The following SH3RF3 variants were observed in gnomAD, a reference collection of about 807,000 sequenced individuals.
SH3RF3 encodes SH3 domain containing ring finger 3, also known as E3 ubiquitin-protein ligase SH3RF3.
A neutral mutation model predicts 66.3 loss-of-function variants in SH3RF3; 29 were observed. That is an observed-to-expected ratio of 0.44 (90% CI 0.33 to 0.60). The LOEUF is 0.60. SH3RF3 is among the 20% of genes least tolerant of loss of function. The pLI, the probability that SH3RF3 is intolerant of heterozygous loss-of-function variation, is 0.04. For synonymous variants in SH3RF3, 583 were observed against 532.0 expected, an observed-to-expected ratio of 1.10 and a Z score of -1.32; for missense variants, 1,194 against 1,190.9, an observed-to-expected ratio of 1.00 and a Z score of -0.04.
intron 1 of SH3RF3, among the ~76,000 whole-genome samples, chr2:109,246,493 A>G (rs1381697770): frequency 1.3e-5 from 2 of 152,200 alleles, no homozygotes; most frequent in African/African-American, 4.8e-5. Flanking sequence ...AGGATTTAAC[A>G]TATGACTTTT....
At chr2:109,475,882 A>C (rs904817773) in intron 8 of SH3RF3, among the ~76,000 whole-genome samples, 2 of 152,168 alleles carry the variant, frequency 1.3e-5, no homozygotes, top group Non-Finnish European at 2.9e-5. Flanking sequence ...TAAGCAACTC[A>C]TTTCTCTTTC....
chr2:109,184,387 C>T (rs547315059), intron 1 of SH3RF3, among the ~76,000 whole-genome samples: 1 of 152,292 alleles, frequency 6.6e-6, no homozygotes, highest in East Asian at 1.9e-4. Flanking sequence ...TGCAGAAAGG[C>T]AGCTTTTCAG....
At chr2:109,330,535 TACCTC>T (rs1682260064) in intron 1 of SH3RF3, among the ~76,000 whole-genome samples, 1 of 152,224 alleles carries the variant, frequency 6.6e-6, no homozygotes, top group Non-Finnish European at 1.5e-5. Context: ...AGATGTCTAG[TACCTC>T]ACACAGGCCT....
Position 109,398,755 on chromosome 2 carries a change from G to T in SH3RF3, c.1111G>T (p.Asp371Tyr). ...GGTCAGTGCCTTTCAGCGGCGTGTG[G>T]ATGGCAAGAAGAACACCAAGAAACG... ...GAVSAFQRRV[D>Y]GKKNTKKRHS... The change falls in exon 4 of 10, where the codon GAT (aspartate) becomes TAT (tyrosine). Residue 371 changes from aspartate to tyrosine, a missense_variant. Physicochemically the swap from Asp to Tyr is radical, Grantham distance 160. Coordinates refer to ENST00000309415, the MANE Select transcript of SH3RF3 (RefSeq NM_001099289.3). The T allele has an allele frequency of 6.2e-7, 1 of 1,613,650 alleles. No individual in the cohort carries two copies. The highest frequency in any genetic ancestry group is 1.1e-5 in the South Asian group (1 of 90,966).
intron 3 of SH3RF3, among the ~76,000 whole-genome samples, chr2:109,383,812 G>A (rs564478364): frequency 1.3e-5 from 2 of 152,290 alleles, no homozygotes; most frequent in African/African-American, 2.4e-5. Context: ...GACATCAGCC[G>A]CATTTTCCAG....
intron 1 of SH3RF3, among the ~76,000 whole-genome samples, chr2:109,339,667 G>T (rs547015839): frequency 2.0e-5 from 3 of 152,156 alleles, no homozygotes; most frequent in Non-Finnish European, 4.4e-5. Context: ...CAAGGTGCCT[G>T]GTGGCTGCTG....
chr2:109,415,949 G>C (rs962578858), intron 4 of SH3RF3, among the ~76,000 whole-genome samples: 1 of 152,092 alleles, frequency 6.6e-6, no homozygotes, highest in Non-Finnish European at 1.5e-5. Context: ...GGATTCATGG[G>C]AGCAGGGCTG....
At chr2:109,482,108 G>T (rs1177862078) in intron 8 of SH3RF3, among the ~76,000 whole-genome samples, 2 of 152,140 alleles carry the variant, frequency 1.3e-5, no homozygotes, top group African/African-American at 4.8e-5. Context: ...CAAGTCCCGG[G>T]TTCGAATGCG....
At chr2:109,245,887 AAC>A (rs1679903373) in intron 1 of SH3RF3, among the ~76,000 whole-genome samples, 1 of 152,220 alleles carries the variant, frequency 6.6e-6, no homozygotes, top group African/African-American at 2.4e-5. Context: ...TAGAGTACTT[AAC>A]ACAATCCCGG....
chr2:109,240,242 A>G (rs943741364), intron 1 of SH3RF3, among the ~76,000 whole-genome samples: 6 of 152,296 alleles, frequency 3.9e-5, no homozygotes, highest in Admixed American at 2.6e-4. Flanking sequence ...GCTCACGCCT[A>G]TAATTTCAGC....
At chr2:109,451,222 C>T (rs994054462) in intron 8 of SH3RF3, among the ~76,000 whole-genome samples, 1 of 152,216 alleles carries the variant, frequency 6.6e-6, no homozygotes, top group Non-Finnish European at 1.5e-5. Flanking sequence ...AACAGCTGCT[C>T]TGTGTTTTGT....
At chr2:109,157,200 A>T (rs1021514792) in intron 1 of SH3RF3, among the ~76,000 whole-genome samples, 4 of 152,068 alleles carry the variant, frequency 2.6e-5, no homozygotes, top group Non-Finnish European at 5.9e-5. Flanking sequence ...TTGACTGGGG[A>T]TATTCACCGT....
chr2:109,364,431 C>T (rs971461853), intron 2 of SH3RF3, among the ~76,000 whole-genome samples: 1 of 152,168 alleles, frequency 6.6e-6, no homozygotes, highest in African/African-American at 2.4e-5. Context: ...GTTTTGTATC[C>T]GTGATCTTTT....
At chr2:109,456,521 G>T (rs1035395567) in intron 8 of SH3RF3, among the ~76,000 whole-genome samples, 6 of 152,254 alleles carry the variant, frequency 3.9e-5, no homozygotes, top group Non-Finnish European at 8.8e-5. Flanking sequence ...CAGGCCCTCA[G>T]TGGGGCAGGG....
chr2:109,187,262 T>C (rs1678215035), intron 1 of SH3RF3, among the ~76,000 whole-genome samples: 1 of 152,238 alleles, frequency 6.6e-6, no homozygotes, highest in Non-Finnish European at 1.5e-5. Flanking sequence ...AATTGCACAA[T>C]TTAAAAAACT....
Position 109,432,393 on chromosome 2 carries a change from T to A in SH3RF3, c.1404-108T>A. 3.6e-6 allele frequency: 5 copies of A among 1,397,244 alleles called. 1 individual carries two copies. The South Asian group carries it at 6.6e-5, about 18-fold the overall frequency. 86.6% of individuals were successfully genotyped at this position (1,397,244 alleles called of 1,614,324 possible). ...CAGAGCCCCCATAGACTCTAGTGGG[T>A]CTTTTTAGGTTGGGTTCCTCCAAAG... On this transcript the variant is annotated intron_variant, in intron 5 of 9. Transcript: ENST00000309415.
At chr2:109,472,985 G>T (rs930246485) in intron 8 of SH3RF3, among the ~76,000 whole-genome samples, 2 of 152,212 alleles carry the variant, frequency 1.3e-5, no homozygotes, top group African/African-American at 4.8e-5. Context: ...TACCCGACTC[G>T]TGGGGCCTTT....
At chr2:109,392,045 G>C (rs1676012959) in intron 3 of SH3RF3, among the ~76,000 whole-genome samples, 1 of 151,978 alleles carries the variant, frequency 6.6e-6, no homozygotes, top group Non-Finnish European at 1.5e-5. Flanking sequence ...CGAACTCCTG[G>C]ACTCAAGCAG....
intron 1 of SH3RF3, among the ~76,000 whole-genome samples, chr2:109,150,666 G>C (rs181804096): frequency 1.3e-5 from 2 of 152,106 alleles, no homozygotes; most frequent in South Asian, 2.1e-4. Context: ...GCTGCCTCTG[G>C]TTCCAGTCTG....
Sources: gnomAD v4.1 joint callset for allele counts (sites outside exome capture counted in the v4.1 genomes callset) on GRCh38, gnomAD v4.1.1 for gene constraint, MANE v1.5 for transcripts, NCBI Gene and HGNC (gene_info 2026-07-23, HGNC 2026-07-21) for gene names.